The following NELL1 variants were observed in gnomAD, a reference collection of about 807,000 sequenced individuals.
NELL1 encodes protein kinase C-binding protein NELL1.
In NELL1, 76 loss-of-function variants were observed where a neutral mutation model predicts 107.4. The observed-to-expected ratio is 0.71, with a 90% CI of 0.59 to 0.86. The LOEUF (loss-of-function observed/expected upper bound fraction) is 0.86. Among genes scored for constraint, NELL1 ranks in the 40% least tolerant of loss-of-function variants. The pLI is 0.00. For missense variants in NELL1, 1,024 were observed against 1,005.5 expected (o/e 1.02, Z -0.25); for synonymous variants, 353 against 341.2 (o/e 1.03, Z -0.38).
intron 2 of NELL1, among the ~76,000 whole-genome samples, chr11:20,706,922 C>T (rs1854977148): frequency 6.6e-6 from 1 of 152,112 alleles, no homozygotes; most frequent in African/African-American, 2.4e-5. Context: ...TGAATGTTGG[C>T]CTGCCTTGTT....
rs999296997 is a variant in NELL1, at chr11:21,540,221, T to A, written c.1786+5707T>A. Among the ~76,000 whole-genome samples, 5 of 152,220 alleles carry A rather than the reference T, an allele frequency of 3.3e-5. No individual in the cohort carries two copies. In the East Asian group the frequency reaches 5.8e-4, roughly 18 times the overall value. On this transcript the variant is annotated intron_variant, in intron 16 of 19. Coordinates refer to ENST00000357134, the MANE Select transcript of NELL1 (RefSeq NM_006157.5). The stretch of plus-strand genomic sequence containing the variant: ...CCTGTTTTCCAGCTATTTTGAAATA[T>A]ATAGTACATTGTTGTTAATTATAAT...
chr11:21,380,591 G>A (rs368268688), intron 15 of NELL1, among the ~76,000 whole-genome samples: 1 of 151,974 alleles, frequency 6.6e-6, no homozygotes, highest in Admixed American at 6.6e-5. Flanking sequence ...TAAAGATCCA[G>A]CATACTTCCC....
intron 2 of NELL1, among the ~76,000 whole-genome samples, chr11:20,691,407 A>C (rs1854462053): frequency 6.6e-6 from 1 of 151,456 alleles, no homozygotes; most frequent in South Asian, 2.1e-4. Context: ...TCAGTATGAT[A>C]TTGGCTGTGG....
At chr11:21,185,035 T>G (rs1391539515) in intron 13 of NELL1, among the ~76,000 whole-genome samples, 2 of 151,790 alleles carry the variant, frequency 1.3e-5, no homozygotes, top group South Asian at 4.1e-4. Flanking sequence ...CAATTGTCTG[T>G]CATCTTTTAG....
At chr11:20,771,814 T>C (rs929486587) in intron 2 of NELL1, among the ~76,000 whole-genome samples, 6 of 152,176 alleles carry the variant, frequency 3.9e-5, no homozygotes, top group Non-Finnish European at 8.8e-5. Flanking sequence ...CTTTGAAACA[T>C]TAGCTGTTCA....
At chr11:21,461,523 C>G (rs1853899755) in intron 15 of NELL1, among the ~76,000 whole-genome samples, 1 of 152,038 alleles carries the variant, frequency 6.6e-6, no homozygotes, top group Non-Finnish European at 1.5e-5. Flanking sequence ...CCAAATTCCC[C>G]TCCCATTGTT....
intron 15 of NELL1, among the ~76,000 whole-genome samples, chr11:21,532,121 T>A (rs1479283801): frequency 1.3e-5 from 2 of 152,196 alleles, no homozygotes; most frequent in Non-Finnish European, 2.9e-5. Flanking sequence ...AGTGAGTTTC[T>A]GGAATCGTCT....
At position 20,975,951 on chromosome 11, in the gene NELL1, GTACATTATATA is replaced by G. The variant is rs1280382537; in HGVS notation, c.1300+15405_1300+15415del. Among the ~76,000 whole-genome samples the G allele has an allele frequency of 1.5e-4, 19 of 127,940 alleles. 1 individual carries two copies. Among genetic ancestry groups the G allele is most frequent in the Middle Eastern group, 0.012 (1 of 86 alleles). The allele number at this position is 127,940 out of a possible 152,430, so 83.9% of individuals were successfully genotyped here. ...TATGTACATATATGTGTACATATATGTACATTATATATACATTATATATATTATATCTGTAC... is the reference window on the plus strand; with the variant it reads ...TATGTACATATATGTGTACATATATGTACATTATATATATTATATCTGTAC... On this transcript the variant is annotated intron_variant, in intron 12 of 19. Transcript: ENST00000357134.
chr11:21,327,269 A>C (rs1850167440), intron 14 of NELL1, among the ~76,000 whole-genome samples: 1 of 151,144 alleles, frequency 6.6e-6, no homozygotes, highest in South Asian at 2.1e-4. Flanking sequence ...TGGGTGCAGC[A>C]CACCAACATG....
intron 13 of NELL1, among the ~76,000 whole-genome samples, chr11:21,143,424 G>A (rs933407742): frequency 2.6e-5 from 4 of 152,182 alleles, no homozygotes; most frequent in African/African-American, 9.7e-5. Flanking sequence ...GGGGAAAGGA[G>A]AGGGTAGTCA....
At chr11:21,299,656 A>T (rs1849452335) in intron 14 of NELL1, among the ~76,000 whole-genome samples, 1 of 151,760 alleles carries the variant, frequency 6.6e-6, no homozygotes, top group Non-Finnish European at 1.5e-5. Context: ...GTGCATATGT[A>T]AAGGGTCAGA....
intron 12 of NELL1, among the ~76,000 whole-genome samples, chr11:21,040,697 T>C (rs928948283): frequency 1.3e-5 from 2 of 152,218 alleles, no homozygotes; most frequent in South Asian, 4.1e-4. Flanking sequence ...AAGACCAGAA[T>C]GAGTAGTTCA....
intron 11 of NELL1, among the ~76,000 whole-genome samples, chr11:20,954,297 C>G (rs562904925): frequency 6.6e-6 from 1 of 152,310 alleles, no homozygotes; most frequent in South Asian, 2.1e-4. Context: ...ATTTGGGGTT[C>G]TCCAAACTTA....
At chr11:21,443,786 G>T (rs907141569) in intron 15 of NELL1, among the ~76,000 whole-genome samples, 1 of 151,294 alleles carries the variant, frequency 6.6e-6, no homozygotes, top group Non-Finnish European at 1.5e-5. Context: ...GGAGGCAGAG[G>T]TTGCAGTAAG....
intron 12 of NELL1, among the ~76,000 whole-genome samples, chr11:21,027,088 T>A (rs1046308146): frequency 1.3e-5 from 2 of 152,050 alleles, no homozygotes; most frequent in African/African-American, 4.8e-5. Flanking sequence ...CACTGAGCAT[T>A]AAAGGAAGTA....
intron 14 of NELL1, among the ~76,000 whole-genome samples, chr11:21,251,432 A>G (rs1364951931): frequency 1.3e-5 from 2 of 152,110 alleles, no homozygotes; most frequent in African/African-American, 2.4e-5. Context: ...ATATAAATCC[A>G]TAATCTTATA....
At chr11:21,382,900 T>C (rs1400397899) in intron 15 of NELL1, among the ~76,000 whole-genome samples, 1 of 151,860 alleles carries the variant, frequency 6.6e-6, no homozygotes, top group Non-Finnish European at 1.5e-5. Flanking sequence ...TCCTGGGAAA[T>C]ACAAACACCA....
chr11:21,382,532 A>G (rs796492313), intron 15 of NELL1, among the ~76,000 whole-genome samples: 2 of 152,050 alleles, frequency 1.3e-5, no homozygotes, highest in African/African-American at 4.8e-5. Flanking sequence ...AATCACTTCA[A>G]TTCAAACCTT....
intron 9 of NELL1, among the ~76,000 whole-genome samples, chr11:20,930,881 T>C (rs1004736289): frequency 3.3e-5 from 5 of 151,940 alleles, no homozygotes; most frequent in Non-Finnish European, 7.4e-5. Context: ...ACAGCTCTGA[T>C]TGGTAGTTTG....
Sources: allele counts gnomAD v4.1 joint callset (sites outside exome capture counted in the v4.1 genomes callset), GRCh38; gene constraint gnomAD v4.1.1; transcripts MANE v1.5; gene names NCBI Gene and HGNC (gene_info 2026-07-23, HGNC 2026-07-21).